Variants in SNTG2 observed in about 807,000 individuals in gnomAD.
The protein encoded by SNTG2 is syntrophin gamma 2.
In SNTG2, 74 loss-of-function variants were observed where a neutral mutation model predicts 70.9. That is an observed-to-expected ratio of 1.04 (90% CI 0.86 to 1.27). The LOEUF (loss-of-function observed/expected upper bound fraction) is 1.27. SNTG2 is among the 50% of genes most tolerant of loss of function. The pLI, the probability that SNTG2 is intolerant of heterozygous loss-of-function variation, is 0.00. For missense variants in SNTG2, 717 were observed against 690.7 expected (o/e 1.04, Z -0.43); for synonymous variants, 278 against 273.8 (o/e 1.02, Z -0.15).
intron 1 of SNTG2, among the ~76,000 whole-genome samples, chr2:1,046,148 T>C (rs778339492): frequency 2.0e-5 from 3 of 151,096 alleles, no homozygotes; most frequent in Non-Finnish European, 4.4e-5. Context: ...GTTTTGATCA[T>C]TGTTTTTTAA....
At chr2:1,180,632 A>G (rs1225910769) in intron 8 of SNTG2, among the ~76,000 whole-genome samples, 1 of 149,438 alleles carries the variant, frequency 6.7e-6, no homozygotes, top group African/African-American at 2.5e-5. Context: ...ACTGTAAACT[A>G]GTTCAACCAT....
chr2:1,150,218 GTT>G (rs1281631453), intron 6 of SNTG2, among the ~76,000 whole-genome samples: 1 of 152,306 alleles, frequency 6.6e-6, no homozygotes. Flanking sequence ...CATTCTCATA[GTT>G]CTAGTGTTCT....
intron 14 of SNTG2, among the ~76,000 whole-genome samples, chr2:1,300,483 T>C (rs1027452884): frequency 6.6e-6 from 1 of 152,170 alleles, no homozygotes; most frequent in African/African-American, 2.4e-5. Context: ...GGACACAAGC[T>C]GCGGCCCCAG....
intron 15 of SNTG2, among the ~76,000 whole-genome samples, chr2:1,312,470 G>A (rs942482904): frequency 5.9e-5 from 9 of 152,324 alleles, no homozygotes; most frequent in African/African-American, 9.6e-5. Context: ...AGAAGGGGAG[G>A]CTGACCCTGG....
At chr2:951,458 G>A (rs957785283) in intron 1 of SNTG2, among the ~76,000 whole-genome samples, 8 of 152,166 alleles carry the variant, frequency 5.3e-5, no homozygotes, top group Non-Finnish European at 8.8e-5. Context: ...TCGGACCGGA[G>A]CGTCCCCCCT....
intron 4 of SNTG2, among the ~76,000 whole-genome samples, chr2:1,119,082 A>G (rs1462185933): frequency 1.3e-5 from 2 of 152,234 alleles, no homozygotes; most frequent in Non-Finnish European, 2.9e-5. Context: ...TGGATTTCTC[A>G]GCAGAAAACT....
At chr2:1,035,744 T>G (rs184969582) in intron 1 of SNTG2, among the ~76,000 whole-genome samples, 1 of 152,358 alleles carries the variant, frequency 6.6e-6, no homozygotes, top group East Asian at 1.9e-4. Flanking sequence ...TTGCCTACTT[T>G]ATATATCTAA....
At chr2:1,194,997 G>A (rs60794971) in intron 8 of SNTG2, among the ~76,000 whole-genome samples, 12,179 of 152,046 alleles carry the variant, frequency 0.08, 685 homozygotes, top group East Asian at 0.21. Flanking sequence ...CTGTTCTTGC[G>A]TTAATTTGTG....
intron 15 of SNTG2, among the ~76,000 whole-genome samples, chr2:1,312,590 G>C (rs963204174): frequency 2.6e-5 from 4 of 152,230 alleles, no homozygotes; most frequent in African/African-American, 9.6e-5. Flanking sequence ...CTGCTGGAGA[G>C]GCAGAACCAC....
intron 16 of SNTG2, among the ~76,000 whole-genome samples, chr2:1,323,051 C>T (rs1681601184): frequency 1.3e-5 from 2 of 152,190 alleles, no homozygotes; most frequent in African/African-American, 2.4e-5. Flanking sequence ...CACATTTTAA[C>T]AGATTCAGAA....
At chr2:1,025,884 C>G (rs2148021635) in intron 1 of SNTG2, among the ~76,000 whole-genome samples, 1 of 152,328 alleles carries the variant, frequency 6.6e-6, no homozygotes, top group South Asian at 2.1e-4. Flanking sequence ...TTCATTCATT[C>G]ATTCATGAGA....
intron 3 of SNTG2, 45 bp downstream of exon 3, chr2:1,098,297 A>G (rs745787450): frequency 6.2e-7 from 1 of 1,613,762 alleles, no homozygotes; most frequent in Non-Finnish European, 8.5e-7. Context: ...TTTTTGAAGA[A>G]CTTTCCAGTG....
chr2:1,216,947 A>G (rs993576308), intron 9 of SNTG2, among the ~76,000 whole-genome samples: 1 of 152,068 alleles, frequency 6.6e-6, no homozygotes. Flanking sequence ...TCCTGCTGCC[A>G]TGTGAAAAAG....
intron 14 of SNTG2, among the ~76,000 whole-genome samples, chr2:1,271,647 T>A (rs528111589): frequency 6.6e-6 from 1 of 152,120 alleles, no homozygotes; most frequent in Non-Finnish European, 1.5e-5. Flanking sequence ...AGATTGTGCC[T>A]CGGTGTGGCT....
chr2:1,119,056 T>G (rs1667217340), intron 4 of SNTG2, among the ~76,000 whole-genome samples: 2 of 152,148 alleles, frequency 1.3e-5, no homozygotes. Context: ...TAAAGGAATC[T>G]CCATTAGTCT....
intron 1 of SNTG2, among the ~76,000 whole-genome samples, chr2:1,040,294 A>G (rs1432084091): frequency 6.6e-6 from 1 of 152,196 alleles, no homozygotes; most frequent in Non-Finnish European, 1.5e-5. Flanking sequence ...TTCCCAGGCC[A>G]TTCCACTGGG....
At chr2:1,235,508 AG>A (rs1428102312) in intron 9 of SNTG2, among the ~76,000 whole-genome samples, 1 of 58,670 alleles carries the variant, frequency 1.7e-5, no homozygotes, top group Non-Finnish European at 3.2e-5. Context: ...TATTCATGAG[AG>A]GGGGGCCCCT....
intron 4 of SNTG2, among the ~76,000 whole-genome samples, chr2:1,116,397 G>C (rs184761053): frequency 1.1e-3 from 165 of 152,310 alleles, no homozygotes; most frequent in African/African-American, 3.8e-3. Context: ...CCGTGGCCCT[G>C]GCTCACGCAA....
At position 1,147,855 on chromosome 2, in the gene SNTG2, T is replaced by C. The variant is rs1305515360; in HGVS notation, c.411+10046T>C. Among the ~76,000 whole-genome samples the C allele has an allele frequency of 2.0e-5, 3 of 152,370 alleles. No homozygotes were observed. The East Asian group carries it at 5.8e-4, about 29-fold the overall frequency. ...AAAGTAATTATCTTCACAAATATTA[T>C]TCCGAAAACATTGCTGCTAATAACC... On this transcript the variant is annotated intron_variant, in intron 6 of 16. Transcript: ENST00000308624.
Sources: gnomAD v4.1 joint callset for allele counts (sites outside exome capture counted in the v4.1 genomes callset) on GRCh38, gnomAD v4.1.1 for gene constraint, MANE v1.5 for transcripts, NCBI Gene and HGNC (gene_info 2026-07-23, HGNC 2026-07-21) for gene names.